The following GMDS variants were observed in gnomAD, a reference collection of about 807,000 sequenced individuals.
GMDS encodes GDP-mannose 4,6-dehydratase, also known as GDP-mannose 4,6 dehydratase.
In GMDS, 20 loss-of-function variants were observed where a neutral mutation model predicts 49.9. The observed-to-expected ratio is 0.40, with a 90% CI of 0.28 to 0.58. The LOEUF is 0.58. Among genes scored for constraint, GMDS ranks in the 20% least tolerant of loss-of-function variants. GMDS has a pLI of 0.42. For missense variants in GMDS, 362 were observed against 481.4 expected (o/e 0.75, Z 2.32); for synonymous variants, 177 against 178.6 (o/e 0.99, Z 0.07).
chr6:2,230,930 T>TCCCCCCCCCCCC (rs797010185), intron 1 of GMDS, among the ~76,000 whole-genome samples: 3 of 14,538 alleles, frequency 2.1e-4, no homozygotes, highest in African/African-American at 7.8e-4. Context: ...AGTATTCTCT[T>TCCCCCCCCCCCC]CCCCCCTCCC....
chr6:1,753,595 G>C (rs958596111), intron 7 of GMDS, among the ~76,000 whole-genome samples: 1 of 152,148 alleles, frequency 6.6e-6, no homozygotes, highest in African/African-American at 2.4e-5. Flanking sequence ...TTTCTTCTCA[G>C]CACCACATTC....
intron 4 of GMDS, among the ~76,000 whole-genome samples, chr6:1,970,523 G>C (rs1163237801): frequency 6.6e-6 from 1 of 152,184 alleles, no homozygotes; most frequent in Non-Finnish European, 1.5e-5. Flanking sequence ...TACCCGACCA[G>C]GAGCAGGCCG....
chr6:1,913,388 C>CAAAAA (rs56262461), intron 7 of GMDS, among the ~76,000 whole-genome samples: 22 of 103,924 alleles, frequency 2.1e-4, no homozygotes, highest in Admixed American at 4.5e-4. Context: ...CTCAAACAAA[C>CAAAAA]AAAAAAAAAA....
intron 1 of GMDS, among the ~76,000 whole-genome samples, chr6:2,156,877 G>A (rs1777138444): frequency 6.6e-6 from 1 of 151,902 alleles, no homozygotes. Flanking sequence ...AAAGGTCTCA[G>A]GATTTTAAGA....
intron 7 of GMDS, among the ~76,000 whole-genome samples, chr6:1,806,759 T>C (rs979105813): frequency 6.6e-6 from 1 of 152,204 alleles, no homozygotes; most frequent in Non-Finnish European, 1.5e-5. Context: ...ATTTAAGCCA[T>C]GGTTACCTTT....
chr6:1,833,140 T>G lies in GMDS; in HGVS notation c.772-90554A>C, dbSNP rs1375539515. On this transcript the variant is annotated intron_variant, in intron 7 of 10. Transcript: ENST00000380815. This position sits in a 1 kb window ranked among gnomAD's most constrained non-coding sequence, Gnocchi z 4.4. ...CGTATGAAAGCCTTTTTTTTTTTTT[T>G]TTTTTTTTTAAACTAATGCACTGGA... 4.0e-5 allele frequency among the ~76,000 whole-genome samples: 6 copies of G among 151,494 alleles called. No individual in the cohort carries two copies. Among genetic ancestry groups the G allele is most frequent in the Non-Finnish European group, 8.8e-5 (6 of 67,874 alleles).
At chr6:2,143,888 T>C (rs1052680344) in intron 1 of GMDS, among the ~76,000 whole-genome samples, 6 of 152,224 alleles carry the variant, frequency 3.9e-5, no homozygotes, top group Non-Finnish European at 5.9e-5. Context: ...TTGGCTCCAA[T>C]TCTTCCCTCC....
chr6:1,802,586 T>C (rs1023737461), intron 7 of GMDS, among the ~76,000 whole-genome samples: 7 of 152,292 alleles, frequency 4.6e-5, no homozygotes, highest in African/African-American at 1.7e-4. Context: ...GAAAGGATAG[T>C]GTGACATTAA....
At chr6:1,758,854 C>A (rs553422632) in intron 7 of GMDS, among the ~76,000 whole-genome samples, 1 of 152,096 alleles carries the variant, frequency 6.6e-6, no homozygotes, top group Non-Finnish European at 1.5e-5. Context: ...GTGGATCACC[C>A]GAGGTCAGGA....
At chr6:1,946,663 T>C (rs1763087320) in intron 6 of GMDS, among the ~76,000 whole-genome samples, 1 of 152,166 alleles carries the variant, frequency 6.6e-6, no homozygotes, top group Non-Finnish European at 1.5e-5. Context: ...GAAAGGGGGA[T>C]ATGCTGAAAA....
chr6:1,989,522 A>C (rs977171126), intron 4 of GMDS, among the ~76,000 whole-genome samples: 7 of 152,234 alleles, frequency 4.6e-5, no homozygotes, highest in African/African-American at 1.7e-4. Context: ...ATTTAAATTC[A>C]AGAGGCAGAA....
intron 9 of GMDS, among the ~76,000 whole-genome samples, chr6:1,700,837 C>T (rs1333058431): frequency 6.6e-6 from 1 of 152,120 alleles, no homozygotes; most frequent in African/African-American, 2.4e-5. Context: ...CACTCAAAGG[C>T]CATCCCAGCC....
At chr6:2,240,234 T>G (rs936021364) in intron 1 of GMDS, among the ~76,000 whole-genome samples, 2 of 152,226 alleles carry the variant, frequency 1.3e-5, no homozygotes, top group Non-Finnish European at 2.9e-5. Context: ...AGATTCCCCA[T>G]GCAAAGCAAG....
intron 9 of GMDS, among the ~76,000 whole-genome samples, chr6:1,645,332 C>T (rs1163153793): frequency 3.3e-5 from 5 of 152,214 alleles, no homozygotes; most frequent in Non-Finnish European, 7.3e-5. Context: ...TTTTCAGTCA[C>T]CCGTGCTGTG....
chr6:1,775,371 G>C (rs1013636312), intron 7 of GMDS, among the ~76,000 whole-genome samples: 1 of 152,216 alleles, frequency 6.6e-6, no homozygotes, highest in Admixed American at 6.5e-5. Context: ...TCTTTTGAGT[G>C]TCTTAGAGGA....
In GMDS at chr6:1,870,981, T is replaced by C. The variant is rs562909844; in HGVS notation, c.771+59122A>G. 2.0e-5 allele frequency among the ~76,000 whole-genome samples: 3 copies of C among 152,274 alleles called. No homozygotes were observed. In the South Asian group the frequency reaches 6.2e-4, roughly 32 times the overall value. ...TTTGCATATGAAACAAATCGAGGTT[T>C]GGGTGGCTTCCGCTAATTAGAGAGA... is the stretch of plus-strand genomic sequence containing the variant. On this transcript the variant is annotated intron_variant, in intron 7 of 10. Coordinates refer to ENST00000380815, the MANE Select transcript of GMDS (RefSeq NM_001500.4).
intron 7 of GMDS, 70 bp downstream of exon 7, chr6:1,930,033 A>C: frequency 7.1e-7 from 1 of 1,399,256 alleles, no homozygotes; most frequent in Non-Finnish European, 9.9e-7. Flanking sequence ...ACACTTTTTC[A>C]CTGTACGCTT....
intron 7 of GMDS, among the ~76,000 whole-genome samples, chr6:1,907,565 C>T (rs1343963384): frequency 6.6e-6 from 1 of 152,198 alleles, no homozygotes; most frequent in Non-Finnish European, 1.5e-5. Flanking sequence ...ATCTCACTAA[C>T]ATAGGTGAAC....
intron 6 of GMDS, among the ~76,000 whole-genome samples, chr6:1,950,845 C>T (rs111592490): frequency 6.6e-6 from 1 of 151,992 alleles, no homozygotes; most frequent in East Asian, 1.9e-4. Context: ...ACCATCTGGA[C>T]AGGACAGGCG....
Sources: gnomAD v4.1 joint callset for allele counts (sites outside exome capture counted in the v4.1 genomes callset) on GRCh38, gnomAD v4.1.1 for gene constraint, Gnocchi (gnomAD v3.1) non-coding constraint, MANE v1.5 for transcripts, NCBI Gene and HGNC (gene_info 2026-07-23, HGNC 2026-07-21) for gene names.